Variants in COMMD10 observed in about 807,000 individuals in gnomAD.
The protein encoded by COMMD10 is COMM domain containing 10.
In COMMD10, 33 loss-of-function variants were observed where a neutral mutation model predicts 28.9. The observed-to-expected ratio is 1.14, with a 90% CI of 0.87 to 1.53. COMMD10 has a LOEUF of 1.53. Ranked by LOEUF, COMMD10 falls within the 40% of genes most tolerant of loss-of-function variation. The pLI is 0.00. For missense variants in COMMD10, 310 were observed against 233.4 expected, an observed-to-expected ratio of 1.33 and a Z score of -2.14; for synonymous variants, 110 against 81.7, an observed-to-expected ratio of 1.35 and a Z score of -1.87.
chr5:116,106,718 C>G (rs1168546487), intron 4 of COMMD10, among the ~76,000 whole-genome samples: 5 of 152,084 alleles, frequency 3.3e-5, no homozygotes, highest in African/African-American at 1.2e-4. Context: ...TTGCATTGAT[C>G]CCCTTGCCAT....
At chr5:116,161,520 T>A (rs1289116144) in intron 5 of COMMD10, among the ~76,000 whole-genome samples, 1 of 152,158 alleles carries the variant, frequency 6.6e-6, no homozygotes, top group African/African-American at 2.4e-5. Context: ...AGACCTTTAT[T>A]ACTAGTTGCC....
At chr5:116,136,298 G>A (rs1752022672) in intron 5 of COMMD10, among the ~76,000 whole-genome samples, 1 of 152,178 alleles carries the variant, frequency 6.6e-6, no homozygotes, top group Non-Finnish European at 1.5e-5. Flanking sequence ...TTAGGTGTAG[G>A]ATGATGATCT....
In COMMD10 at chr5:116,292,455, A is replaced by T. The variant is rs148262275; in HGVS notation, c.575A>T (p.Glu192Val). Residue 192 changes from glutamate to valine, a missense_variant, in exon 7 of 7, where the codon GAG becomes GTG. By Grantham distance (121) the Glu-to-Val change is moderately radical. Coordinates refer to ENST00000274458, the MANE Select transcript of COMMD10 (RefSeq NM_016144.4). Reference sequence around the variant, plus strand: ...TTTTTTTGTCTTTGTAAATAGCTAGAGACTATACAAGCACAGCTGGATTCC... The same window carrying T: ...TTTTTTTGTCTTTGTAAATAGCTAGTGACTATACAAGCACAGCTGGATTCC... The part of the protein sequence containing the change: ...KELFDFYNKL[E>V]TIQAQLDSLT 1.7e-5 allele frequency: 26 copies of T among 1,545,562 alleles called. No individual in the cohort carries two copies. The highest frequency in any genetic ancestry group is 1.7e-4 in the Middle Eastern group (1 of 5,798).
intron 5 of COMMD10, among the ~76,000 whole-genome samples, chr5:116,196,589 A>C (rs1361328601): frequency 6.6e-6 from 1 of 151,974 alleles, no homozygotes; most frequent in Non-Finnish European, 1.5e-5. Context: ...CATGATATTA[A>C]AGAGTCAGGA....
At chr5:116,145,081 A>G (rs1473656528) in intron 5 of COMMD10, among the ~76,000 whole-genome samples, 1 of 151,864 alleles carries the variant, frequency 6.6e-6, no homozygotes, top group Non-Finnish European at 1.5e-5. Flanking sequence ...GTGGAAAGAG[A>G]AAGTTGCAAT....
At chr5:116,227,568 C>T (rs1172206493) in intron 5 of COMMD10, among the ~76,000 whole-genome samples, 5 of 152,102 alleles carry the variant, frequency 3.3e-5, no homozygotes, top group Non-Finnish European at 4.4e-5. Context: ...GGTAATAACC[C>T]GTCCACTATT....
At chr5:116,219,308 C>T (rs1749185009) in intron 5 of COMMD10, among the ~76,000 whole-genome samples, 1 of 152,154 alleles carries the variant, frequency 6.6e-6, no homozygotes, top group Non-Finnish European at 1.5e-5. Context: ...CTTCCCCTTC[C>T]CCTTCCCATT....
At chr5:116,176,951 C>T (rs1026842647) in intron 5 of COMMD10, among the ~76,000 whole-genome samples, 2 of 152,050 alleles carry the variant, frequency 1.3e-5, no homozygotes, top group Non-Finnish European at 2.9e-5. Flanking sequence ...GGGTCCTTCC[C>T]CAAAGTTAGA....
intron 4 of COMMD10, among the ~76,000 whole-genome samples, chr5:116,094,497 T>C (rs1385214008): frequency 6.6e-6 from 1 of 152,168 alleles, no homozygotes; most frequent in Admixed American, 6.5e-5. Context: ...AGAATGGCTA[T>C]TATTAAAAAG....
intron 5 of COMMD10, among the ~76,000 whole-genome samples, chr5:116,225,108 T>A (rs1749357594): frequency 6.6e-6 from 1 of 152,104 alleles, no homozygotes; most frequent in African/African-American, 2.4e-5. Flanking sequence ...ATATTTTATT[T>A]CACTTATTAT....
At chr5:116,090,998 G>T in intron 2 of COMMD10, 81 bp from the exon 3 acceptor site, 3 of 760,406 alleles carry the variant, frequency 3.9e-6, no homozygotes, top group East Asian at 2.7e-5. Flanking sequence ...TCTCATATAC[G>T]AATAAATGAA....
At chr5:116,230,107 T>C (rs918098568) in intron 5 of COMMD10, among the ~76,000 whole-genome samples, 1 of 152,026 alleles carries the variant, frequency 6.6e-6, no homozygotes, top group Non-Finnish European at 1.5e-5. Flanking sequence ...TATTTTCCAA[T>C]GTCTAGGTAT....
intron 5 of COMMD10, among the ~76,000 whole-genome samples, chr5:116,285,923 A>C: frequency 6.6e-6 from 1 of 151,830 alleles, no homozygotes; most frequent in African/African-American, 2.4e-5. Context: ...TTTTTGGAAG[A>C]GTTTCAGGAC....
chr5:116,190,239 C>CTA lies in COMMD10; in HGVS notation c.510+56073_510+56074dup, dbSNP rs559144325. 7.0e-3 allele frequency among the ~76,000 whole-genome samples: 1,050 copies of CTA among 150,514 alleles called. 5 individuals carry two copies. Among genetic ancestry groups the CTA allele is most frequent in the Non-Finnish European group, 0.01 (691 of 67,596 alleles). On this transcript the variant is annotated intron_variant, in intron 5 of 6. Transcript: ENST00000274458. Reference sequence around the variant, plus strand: ...GAGTCCTGATGGTGTATTTTGAGGCCTATATATATATATCTAGTAGAAAAT... The same window carrying CTA: ...GAGTCCTGATGGTGTATTTTGAGGCCTATATATATATATATCTAGTAGAAAAT...
intron 4 of COMMD10, among the ~76,000 whole-genome samples, chr5:116,132,440 A>G (rs997058567): frequency 6.6e-6 from 1 of 152,108 alleles, no homozygotes; most frequent in African/African-American, 2.4e-5. Flanking sequence ...GTTCTTTTTA[A>G]TTTGTCTGCA....
At chr5:116,226,265 A>G (rs1467337412) in intron 5 of COMMD10, among the ~76,000 whole-genome samples, 1 of 152,042 alleles carries the variant, frequency 6.6e-6, no homozygotes, top group Non-Finnish European at 1.5e-5. Context: ...GCATGATCAG[A>G]AGTTAAACTA....
At chr5:116,120,926 A>G (rs1476615174) in intron 4 of COMMD10, among the ~76,000 whole-genome samples, 1 of 151,550 alleles carries the variant, frequency 6.6e-6, no homozygotes, top group East Asian at 1.9e-4. Flanking sequence ...GTTTTTGTAT[A>G]TGTTTATGTA....
intron 5 of COMMD10, among the ~76,000 whole-genome samples, chr5:116,218,821 C>T (rs1465254149): frequency 6.6e-6 from 1 of 152,034 alleles, no homozygotes; most frequent in East Asian, 1.9e-4. Flanking sequence ...CTGGAAAATC[C>T]CAGTTAGCTT....
At chr5:116,284,326 A>ATG (rs987691365) in intron 5 of COMMD10, among the ~76,000 whole-genome samples, 1 of 146,702 alleles carries the variant, frequency 6.8e-6, no homozygotes. Context: ...AAAGGATTGT[A>ATG]TGTGTGTGTG....
Sources: gnomAD v4.1 joint callset for allele counts (sites outside exome capture counted in the v4.1 genomes callset) on GRCh38, gnomAD v4.1.1 for gene constraint, MANE v1.5 for transcripts, NCBI Gene and HGNC (gene_info 2026-07-23, HGNC 2026-07-21) for gene names.